The following ROBO1 variants were observed in gnomAD, a reference collection of about 807,000 sequenced individuals.
ROBO1 encodes the protein roundabout guidance receptor 1.
In ROBO1, 149 loss-of-function variants were observed where a neutral mutation model predicts 195.9. The observed-to-expected ratio is 0.76, with a 90% CI of 0.67 to 0.87. ROBO1 has a LOEUF of 0.87. Ranked by LOEUF, ROBO1 falls within the 40% of genes least tolerant of loss-of-function variation. The pLI is 0.00. For missense variants in ROBO1, 1,933 were observed against 2,068.3 expected (o/e 0.93, Z 1.27); for synonymous variants, 816 against 733.2 (o/e 1.11, Z -1.82).
At chr3:79,608,625 A>T (rs35921491) in intron 1 of ROBO1, among the ~76,000 whole-genome samples, 38,113 of 151,832 alleles carry the variant, frequency 0.25, 6,614 homozygotes, top group African/African-American at 0.5. Context: ...GTTTTCCTAT[A>T]AAACTAACCA....
At chr3:79,047,550 A>G (rs2078617375) in intron 3 of ROBO1, among the ~76,000 whole-genome samples, 1 of 152,178 alleles carries the variant, frequency 6.6e-6, no homozygotes, top group African/African-American at 2.4e-5. Flanking sequence ...TAAAAAGATC[A>G]AAGCAGTACC....
At chr3:79,024,474 A>G (rs911101784) in intron 3 of ROBO1, among the ~76,000 whole-genome samples, 3 of 152,224 alleles carry the variant, frequency 2.0e-5, no homozygotes, top group African/African-American at 7.2e-5. Context: ...TGTTGAGATT[A>G]CATAATTAAC....
intron 8 of ROBO1, among the ~76,000 whole-genome samples, chr3:78,698,351 G>C (rs1053453563): frequency 6.6e-6 from 1 of 152,108 alleles, no homozygotes; most frequent in Non-Finnish European, 1.5e-5. Flanking sequence ...TACTAGGTAT[G>C]ATTTCTTTTG....
At chr3:79,021,472 G>A (rs1167276874) in intron 3 of ROBO1, among the ~76,000 whole-genome samples, 2 of 152,050 alleles carry the variant, frequency 1.3e-5, no homozygotes, top group Non-Finnish European at 2.9e-5. Flanking sequence ...AAGAATATGT[G>A]TAAGGATCCC....
At position 78,958,945 on chromosome 3, in the gene ROBO1, C is replaced by T. The variant is rs952094454; in HGVS notation, c.173-20018G>A. Among the ~76,000 whole-genome samples the T allele has an allele frequency of 4.6e-5, 7 of 151,642 alleles. No individual in the cohort carries two copies. The East Asian group carries it at 1.2e-3, about 25-fold the overall frequency. On this transcript the variant is annotated intron_variant, in intron 3 of 30. Coordinates refer to ENST00000464233, the MANE Select transcript of ROBO1 (RefSeq NM_002941.4). ...GCTCAAGTGATCCTCCCACCTGGGACCACAGGTGTACACTGCCACACCCGG... is the reference window on the plus strand; with the variant it reads ...GCTCAAGTGATCCTCCCACCTGGGATCACAGGTGTACACTGCCACACCCGG...
intron 2 of ROBO1, among the ~76,000 whole-genome samples, chr3:79,490,519 C>T (rs745851288): frequency 7.9e-5 from 12 of 152,056 alleles, no homozygotes; most frequent in Non-Finnish European, 1.6e-4. Context: ...CAGAAGAAGC[C>T]GAGAAGGAGG....
chr3:79,376,186 T>C (rs1041621532), intron 2 of ROBO1, among the ~76,000 whole-genome samples: 2 of 152,204 alleles, frequency 1.3e-5, no homozygotes, highest in African/African-American at 4.8e-5. Context: ...GGAAATCATG[T>C]GAAAATTACA....
chr3:79,527,532 ATT>A (rs1380723128), intron 2 of ROBO1, among the ~76,000 whole-genome samples: 1 of 147,508 alleles, frequency 6.8e-6, no homozygotes, highest in African/African-American at 2.4e-5. Flanking sequence ...CACTACTTTA[ATT>A]TATCTCTAGA....
intron 3 of ROBO1, among the ~76,000 whole-genome samples, chr3:79,120,392 T>C (rs972832890): frequency 6.6e-6 from 1 of 152,288 alleles, no homozygotes; most frequent in Middle Eastern, 3.4e-3. Flanking sequence ...TAGTGTCCTA[T>C]GTTGAAGGAA....
At chr3:79,463,236 G>A (rs533405560) in intron 2 of ROBO1, among the ~76,000 whole-genome samples, 55 of 152,016 alleles carry the variant, frequency 3.6e-4, no homozygotes, top group Non-Finnish European at 6.5e-4. Flanking sequence ...TTAGCTGGGC[G>A]TGGTGGCGGG....
chr3:78,685,993 A>C (rs1290693313), intron 9 of ROBO1, 76 bp from the exon 10 acceptor site: 1 of 1,213,482 alleles, frequency 8.2e-7, no homozygotes, highest in African/African-American at 1.5e-5. Flanking sequence ...GCACTTATGC[A>C]TTTACATGTA....
intron 2 of ROBO1, among the ~76,000 whole-genome samples, chr3:79,412,886 T>TTTTTTTC (rs2037837446): frequency 7.3e-6 from 1 of 137,760 alleles, no homozygotes; most frequent in Non-Finnish European, 1.6e-5. Context: ...TTTTTTTTTT[T>TTTTTTTC]TTTTTTTTTT....
chr3:78,912,903 C>CT (rs2038331803), intron 4 of ROBO1, among the ~76,000 whole-genome samples: 1 of 152,032 alleles, frequency 6.6e-6, no homozygotes, highest in African/African-American at 2.4e-5. Context: ...AGAAGTGTTT[C>CT]TGCTGGTTAC....
chr3:79,204,569 G>T (rs1390096391), intron 2 of ROBO1, among the ~76,000 whole-genome samples: 1 of 152,086 alleles, frequency 6.6e-6, no homozygotes, highest in African/African-American at 2.4e-5. Context: ...CTTTGTAGTG[G>T]GTTGTGGGAA....
intron 3 of ROBO1, among the ~76,000 whole-genome samples, chr3:79,038,946 A>G (rs1356702875): frequency 6.6e-6 from 1 of 152,170 alleles, no homozygotes; most frequent in Non-Finnish European, 1.5e-5. Flanking sequence ...CAGCCTCCAC[A>G]TAGAGGCTGC....
chr3:78,637,555 C>A (rs906681012), intron 22 of ROBO1, among the ~76,000 whole-genome samples: 6 of 152,174 alleles, frequency 3.9e-5, no homozygotes, highest in Non-Finnish European at 8.8e-5. Context: ...GAGTTTTAAA[C>A]TATATTTTAT....
chr3:79,507,901 T>G (rs1940489915), intron 2 of ROBO1: 1 of 154,756 alleles, frequency 6.5e-6, no homozygotes. Context: ...GAGTGAGCTC[T>G]AATCCAATAT....
intron 4 of ROBO1, among the ~76,000 whole-genome samples, chr3:78,888,793 A>T (rs906959809): frequency 1.3e-5 from 2 of 152,184 alleles, no homozygotes; most frequent in African/African-American, 4.8e-5. Flanking sequence ...CTCCAAAAAT[A>T]CTAAAAACTG....
At chr3:78,616,588 C>G (rs1459544199) in intron 27 of ROBO1, among the ~76,000 whole-genome samples, 1 of 151,894 alleles carries the variant, frequency 6.6e-6, no homozygotes, top group African/African-American at 2.4e-5. Flanking sequence ...TGTGAAAAGA[C>G]CATGGAAGAC....
Sources: allele counts gnomAD v4.1 joint callset (sites outside exome capture counted in the v4.1 genomes callset), GRCh38; gene constraint gnomAD v4.1.1; transcripts MANE v1.5; gene names NCBI Gene and HGNC (gene_info 2026-07-23, HGNC 2026-07-21).